The following PRELID2 variants were observed in gnomAD, a reference collection of about 807,000 sequenced individuals.
The protein encoded by PRELID2 is PRELI domain containing 2.
Under a neutral mutation model 28.4 loss-of-function variants are expected in PRELID2, and 25 were observed. The ratio of observed to expected loss-of-function variants is 0.88; its 90% CI spans 0.64 to 1.23. The LOEUF (loss-of-function observed/expected upper bound fraction) is 1.23. Among genes scored for constraint, PRELID2 ranks in the 50% most tolerant of loss-of-function variants. The pLI, the probability that PRELID2 is intolerant of heterozygous loss-of-function variation, is 0.00. For missense variants in PRELID2, 201 were observed against 214.4 expected (o/e 0.94, Z 0.39); for synonymous variants, 76 against 71.6 (o/e 1.06, Z -0.31).
At chr5:145,252,147 C>T in the PRELID2 span, among the ~76,000 whole-genome samples, 2 of 152,104 alleles carry the variant, frequency 1.3e-5, no homozygotes, top group South Asian at 4.1e-4. Context: ...CATATGCTGA[C>T]TCTCAGGTTC....
chr5:145,724,292 A>T (rs1301161088), intron 1 of PRELID2, among the ~76,000 whole-genome samples: 1 of 151,864 alleles, frequency 6.6e-6, no homozygotes, highest in African/African-American at 2.4e-5. Context: ...TTATGATCAT[A>T]AAAAAATCAG....
rs114178536 is a variant in PRELID2 at position 145,772,721 on chromosome 5, T to C, written c.475-7721A>G. 5.0e-3 allele frequency among the ~76,000 whole-genome samples: 766 copies of C among 152,294 alleles called. 7 individuals carry two copies. Among genetic ancestry groups the C allele is most frequent in the African/African-American group, 0.018 (731 of 41,562 alleles). ...AGGATTAAGTTTCCAACATGTGCCT[T>C]GGGGGGACACATTCAAACCATAGCA... On this transcript the variant is annotated intron_variant, in intron 5 of 6. Coordinates refer to ENST00000683046, the MANE Select transcript of PRELID2 (RefSeq NM_205846.3).
At chr5:145,390,469 C>A in the PRELID2 span, among the ~76,000 whole-genome samples, 2 of 152,238 alleles carry the variant, frequency 1.3e-5, no homozygotes, top group Admixed American at 6.5e-5. Flanking sequence ...AGCGGGGAAG[C>A]CCCTTATAAA....
intron 1 of PRELID2, among the ~76,000 whole-genome samples, chr5:145,625,123 T>C (rs905954048): frequency 2.6e-5 from 4 of 152,144 alleles, no homozygotes; most frequent in African/African-American, 9.7e-5. Context: ...CTTGCAGTAG[T>C]ATAAACTGGT....
intron 1 of PRELID2, among the ~76,000 whole-genome samples, chr5:145,527,138 T>C (rs1234352440): frequency 3.3e-5 from 5 of 152,200 alleles, no homozygotes; most frequent in Non-Finnish European, 7.4e-5. Context: ...GAAATGGCTG[T>C]GTCTATAAAA....
intron 1 of PRELID2, among the ~76,000 whole-genome samples, chr5:145,488,327 T>C (rs981200275): frequency 4.6e-5 from 7 of 152,078 alleles, no homozygotes; most frequent in African/African-American, 1.4e-4. Context: ...AGGGAAAGCC[T>C]GATGGAGAGA....
the PRELID2 span, among the ~76,000 whole-genome samples, chr5:145,276,991 C>G: frequency 1.3e-5 from 2 of 152,198 alleles, no homozygotes; most frequent in East Asian, 3.9e-4. Flanking sequence ...TCCAGGTCTC[C>G]TAGATTCAAA....
chr5:145,522,497 T>G (rs1244220427), intron 1 of PRELID2, among the ~76,000 whole-genome samples: 1 of 152,112 alleles, frequency 6.6e-6, no homozygotes, highest in Non-Finnish European at 1.5e-5. Flanking sequence ...GAAGAGTTCA[T>G]GTTTTCACTT....
chr5:145,294,862 C>T, the PRELID2 span, among the ~76,000 whole-genome samples: 1 of 152,050 alleles, frequency 6.6e-6, no homozygotes, highest in Non-Finnish European at 1.5e-5. Flanking sequence ...ATACTGGCCT[C>T]AAAATGAGAA....
rs139702464 is a variant in PRELID2, at chr5:145,547,820, C to A, written n.71-74505G>T. ...TATCTGAATAAATTAAAGGAACCAG[C>A]CAGCTTTTTCATCAGAGTATAGTCA... is the stretch of plus-strand genomic sequence containing the variant. On this transcript the variant is annotated intron_variant and non_coding_transcript_variant, in intron 1 of 2. Coordinates refer to the PRELID2 transcript ENST00000510259. 1.6e-4 allele frequency among the ~76,000 whole-genome samples: 24 copies of A among 152,296 alleles called. No homozygotes were observed. The East Asian group carries it at 4.6e-3, about 29-fold the overall frequency.
At chr5:145,315,545 G>GGTGTGTGTGTGTGT in the PRELID2 span, among the ~76,000 whole-genome samples, 33 of 142,996 alleles carry the variant, frequency 2.3e-4, no homozygotes, top group African/African-American at 6.5e-4. Flanking sequence ...GCTCTTTCAG[G>GGTGTGTGTGTGTGT]GTGTGTGTGT....
chr5:145,340,903 C>T, the PRELID2 span, among the ~76,000 whole-genome samples: 1 of 151,242 alleles, frequency 6.6e-6, no homozygotes, highest in South Asian at 2.1e-4. Context: ...CAAAGACTGG[C>T]CTACCAGCAT....
chr5:145,449,138 C>G, the PRELID2 span, among the ~76,000 whole-genome samples: 10 of 152,000 alleles, frequency 6.6e-5, no homozygotes, highest in Admixed American at 5.2e-4. Flanking sequence ...TTCTGAAAGC[C>G]CCAGAGGAAG....
Position 145,796,559 on chromosome 5 carries a change from AC to A in PRELID2, c.369-13del. ...GAATGAACTCTGTCCTGCAAAAAAA[AC>A]AAAAAACACATCTTTGATGTCATTC... On this transcript the variant is annotated splice_polypyrimidine_tract_variant and intron_variant, in intron 4 of 6. Transcript: ENST00000683046. 1 of 1,537,306 alleles carries A rather than the reference AC, an allele frequency of 6.5e-7. No homozygotes were observed. Among genetic ancestry groups the A allele is most frequent in the East Asian group, 2.3e-5 (1 of 43,552 alleles).
At chr5:145,809,454 G>A (rs180933418) in intron 4 of PRELID2, among the ~76,000 whole-genome samples, 2 of 152,236 alleles carry the variant, frequency 1.3e-5, no homozygotes, top group Non-Finnish European at 2.9e-5. Flanking sequence ...GAGGCTATAA[G>A]CACCTGGAGA....
intron 1 of PRELID2, among the ~76,000 whole-genome samples, chr5:145,601,251 ACAG>A (rs1753393035): frequency 6.6e-6 from 1 of 152,192 alleles, no homozygotes; most frequent in Non-Finnish European, 1.5e-5. Context: ...GAGGATTTTC[ACAG>A]CAGATTAGAA....
chr5:145,380,597 C>T, the PRELID2 span, among the ~76,000 whole-genome samples: 2 of 152,148 alleles, frequency 1.3e-5, no homozygotes. Flanking sequence ...TGTTTTATTA[C>T]ATTTTACATA....
At chr5:145,828,608 G>A (rs1418959317) in intron 1 of PRELID2, among the ~76,000 whole-genome samples, 2 of 152,030 alleles carry the variant, frequency 1.3e-5, no homozygotes, top group Non-Finnish European at 1.5e-5. Flanking sequence ...TAAGAGTGCT[G>A]GAGAGAATAT....
intron 1 of PRELID2, among the ~76,000 whole-genome samples, chr5:145,644,179 C>G (rs1451240671): frequency 6.7e-6 from 1 of 150,282 alleles, no homozygotes; most frequent in Non-Finnish European, 1.5e-5. Flanking sequence ...TAATTACTGC[C>G]TCAATTTCAG....
Sources: gnomAD v4.1 joint callset for allele counts (sites outside exome capture counted in the v4.1 genomes callset) on GRCh38, gnomAD v4.1.1 for gene constraint, MANE v1.5 for transcripts, NCBI Gene and HGNC (gene_info 2026-07-23, HGNC 2026-07-21) for gene names.